CFAP44: variants seen among roughly 807,000 people sequenced by gnomAD.
CFAP44 encodes cilia- and flagella-associated protein 44.
In CFAP44, 134 loss-of-function variants were observed where a neutral mutation model predicts 216.2. The observed-to-expected ratio is 0.62, with a 90% CI of 0.54 to 0.72. CFAP44 has a LOEUF of 0.72. Among genes scored for constraint, CFAP44 ranks in the 30% least tolerant of loss-of-function variants. The probability of loss-of-function intolerance (pLI) is 0.00; values close to 1 mark genes in which losing one functional copy is unlikely to be tolerated. For synonymous variants in CFAP44, 700 were observed against 727.6 expected (o/e 0.96, Z 0.61); for missense variants, 2,035 against 2,182.1 (o/e 0.93, Z 1.34).
At chr3:113,439,157 T>G (rs1430923620) in intron 1 of CFAP44, among the ~76,000 whole-genome samples, 1 of 152,188 alleles carries the variant, frequency 6.6e-6, no homozygotes, top group East Asian at 1.9e-4. Flanking sequence ...GGCTTATTCG[T>G]CCAGCCTACA....
At chr3:113,377,756 A>G (rs6802304) in intron 17 of CFAP44, among the ~76,000 whole-genome samples, 150,199 of 152,246 alleles carry the variant, frequency 0.99, 74,127 homozygotes, top group Middle Eastern at 1. Flanking sequence ...GGGTTCAAGC[A>G]ATTCCCCTGC....
rs1271942917 is a variant in CFAP44, at chr3:113,327,768, G to C, written c.4168C>G (p.Gln1390Glu). 6.5e-7 allele frequency: 1 copy of C among 1,536,868 alleles called. No homozygotes were observed. The highest frequency in any genetic ancestry group is 1.4e-5 in the African/African-American group (1 of 73,038). ...FDAELRLLRH[Q>E]KLKLDTQMKL... is the part of the protein sequence containing the mutation. Reference sequence around the variant, plus strand: ...ATCTGAGTATCTAGTTTTAGTTTCTGATGTCTAAGGAGACGGAGTTCTGCA... The same window carrying C: ...ATCTGAGTATCTAGTTTTAGTTTCTCATGTCTAAGGAGACGGAGTTCTGCA... The change falls in exon 27 of 35, where the codon CAG (glutamine) becomes GAG (glutamate). Residue 1390 changes from glutamine (Q) to glutamate (E), a missense_variant. Gln to Glu is a conservative substitution (Grantham distance 29, BLOSUM62 2). Around this residue, in one of 3 missense-constraint regions of CFAP44, gnomAD observed 1,883 missense variants for 2,023.7 expected, o/e 0.93. Coordinates refer to ENST00000393845, the MANE Select transcript of CFAP44 (RefSeq NM_001164496.2).
chr3:113,395,378 C>T (rs529259243), intron 15 of CFAP44, among the ~76,000 whole-genome samples: 2 of 152,260 alleles, frequency 1.3e-5, no homozygotes, highest in Non-Finnish European at 2.9e-5. Flanking sequence ...ACATTCAGAC[C>T]TTAGAATTCA....
At chr3:113,421,387 C>G (rs1025613882) in intron 4 of CFAP44, among the ~76,000 whole-genome samples, 2 of 152,150 alleles carry the variant, frequency 1.3e-5, no homozygotes, top group Non-Finnish European at 2.9e-5. Flanking sequence ...TATATACTAT[C>G]AGTGAGAATG....
rs1559924083 is a variant in CFAP44, at chr3:113,363,215, A to G, written c.2864T>C (p.Leu955Ser). ...KARKREQIKALRSEFCNLLEM... is the reference protein window; with the variant it reads ...KARKREQIKASRSEFCNLLEM... Reference sequence around the variant, plus strand: ...TAATAGATTACAAAATTCACTCCTCAAAGCTTTGATTTGCTCTCTCTTCCG... The same window carrying G: ...TAATAGATTACAAAATTCACTCCTCGAAGCTTTGATTTGCTCTCTCTTCCG... The change falls in exon 21 of 35, where the codon TTG (leucine) becomes TCG (serine). Residue 955 changes from leucine (L) to serine (S), a missense_variant. Around this residue, in one of 3 missense-constraint regions of CFAP44, gnomAD observed 1,883 missense variants for 2,023.7 expected, o/e 0.93. Transcript: ENST00000393845. The G allele has an allele frequency of 6.2e-7, 1 of 1,613,478 alleles. No homozygotes were observed.
intron 1 of CFAP44, among the ~76,000 whole-genome samples, chr3:113,438,214 G>A (rs1257588679): frequency 6.6e-6 from 1 of 152,090 alleles, no homozygotes; most frequent in Admixed American, 6.5e-5. Context: ...ACACATGTAG[G>A]GTTCAATAAA....
intron 34 of CFAP44, among the ~76,000 whole-genome samples, chr3:113,292,486 A>T (rs1467222151): frequency 1.3e-5 from 2 of 152,230 alleles, no homozygotes; most frequent in African/African-American, 2.4e-5. Flanking sequence ...TAACATTTGA[A>T]TGCATGAATA....
chr3:113,394,778 G>A (rs193261582), intron 15 of CFAP44, among the ~76,000 whole-genome samples: 1 of 152,272 alleles, frequency 6.6e-6, no homozygotes, highest in East Asian at 1.9e-4. Context: ...TTATGAATTT[G>A]TGTTGCGCCT....
At chr3:113,334,541 G>A (rs1459733784) in intron 24 of CFAP44, among the ~76,000 whole-genome samples, 1 of 151,714 alleles carries the variant, frequency 6.6e-6, no homozygotes, top group Non-Finnish European at 1.5e-5. Context: ...ACAAGATAAG[G>A]CCACAAAAAG....
rs564617333 is a variant in CFAP44, at chr3:113,379,377, A to C, written c.2227T>G (p.Phe743Val). 6.2e-7 allele frequency: 1 copy of C among 1,613,156 alleles called. No homozygotes were observed. Among genetic ancestry groups the C allele is most frequent in the African/African-American group, 1.3e-5 (1 of 74,988 alleles). Residue 743 changes from phenylalanine (F) to valine (V), a missense_variant, in exon 17 of 35, where the codon TTT becomes GTT. This residue lies in a region of CFAP44 where 1,883 missense variants were observed against 2,023.7 expected (regional missense o/e 0.93). Coordinates refer to ENST00000393845, the MANE Select transcript of CFAP44 (RefSeq NM_001164496.2). Reference protein sequence around the residue: ...EEEEEPLPEIFIPSTPSPILC... With the variant: ...EEEEEPLPEIVIPSTPSPILC... ...ATGGGAGAGGGGGTTGACGGAATAA[A>C]TATTTCAGGTAATGGCTCTTCTTCC... is the stretch of plus-strand genomic sequence containing the variant.
Position 113,327,782 on chromosome 3 carries a change from C to T in CFAP44, c.4154G>A (p.Arg1385His), listed in dbSNP as rs965241639. The change falls in exon 27 of 35, where the codon CGT (arginine) becomes CAT (histidine). Residue 1385 changes from arginine (R) to histidine (H), a missense_variant. Physicochemically the swap from Arg to His is conservative, Grantham distance 29 (BLOSUM62 0). This residue lies in a region of CFAP44 where 1,883 missense variants were observed against 2,023.7 expected (regional missense o/e 0.93). Coordinates refer to ENST00000393845, the MANE Select transcript of CFAP44 (RefSeq NM_001164496.2). ...ELVVTFDAEL[R>H]LLRHQKLKLD... ...TTTTAGTTTCTGATGTCTAAGGAGA[C>T]GGAGTTCTGCATCGAAAGTGACAAC... 16 of 1,536,686 alleles carry T rather than the reference C, an allele frequency of 1.0e-5. No homozygotes were observed. Among genetic ancestry groups the T allele is most frequent in the East Asian group, 9.8e-5 (4 of 40,904 alleles).
At chr3:113,396,044 C>A (rs988410940) in intron 14 of CFAP44, among the ~76,000 whole-genome samples, 184 bp from the exon 15 acceptor site, 2 of 152,130 alleles carry the variant, frequency 1.3e-5, no homozygotes, top group African/African-American at 4.8e-5. Context: ...ATTTGGAAAA[C>A]CATGTGTTTC....
At chr3:113,421,601 G>A (rs1934816474) in intron 4 of CFAP44, among the ~76,000 whole-genome samples, 1 of 152,108 alleles carries the variant, frequency 6.6e-6, no homozygotes, top group South Asian at 2.1e-4. Flanking sequence ...ACCCATCAGT[G>A]GTGCACTGGA....
intron 24 of CFAP44, among the ~76,000 whole-genome samples, chr3:113,336,779 CA>C (rs1950285574): frequency 6.6e-6 from 1 of 151,922 alleles, no homozygotes; most frequent in African/African-American, 2.4e-5. Flanking sequence ...GATTTAAAAA[CA>C]TGACCCAATT....
At chr3:113,402,536 A>G (rs1289495424) in intron 9 of CFAP44, among the ~76,000 whole-genome samples, 1 of 152,218 alleles carries the variant, frequency 6.6e-6, no homozygotes, top group Non-Finnish European at 1.5e-5. Context: ...CCTAGACTGA[A>G]TAACTGAGAC....
At chr3:113,357,615 C>A (rs1025741003) in intron 22 of CFAP44, among the ~76,000 whole-genome samples, 1 of 152,172 alleles carries the variant, frequency 6.6e-6, no homozygotes, top group Non-Finnish European at 1.5e-5. Context: ...TTCTAGCCTC[C>A]AGAACTGCGA....
chr3:113,363,223 G>A lies in CFAP44; in HGVS notation c.2856C>T (p.Ile952=), dbSNP rs747114623. The change falls in exon 21 of 35, where the codon ATC becomes ATT. Residue 952 remains isoleucine, a synonymous_variant. Transcript: ENST00000393845. Reference sequence around the variant, plus strand: ...TACAAAATTCACTCCTCAAAGCTTTGATTTGCTCTCTCTTCCGTGCCTTTA... The same window carrying A: ...TACAAAATTCACTCCTCAAAGCTTTAATTTGCTCTCTCTTCCGTGCCTTTA... ...GEIKARKREQ[I]KALRSEFCNL... 1 of 1,613,282 alleles carries A rather than the reference G, an allele frequency of 6.2e-7. No individual in the cohort carries two copies. The highest frequency in any genetic ancestry group is 1.3e-5 in the African/African-American group (1 of 74,882).
Position 113,330,264 on chromosome 3 carries a change from C to G in CFAP44, c.4020G>C (p.Leu1340Phe), listed in dbSNP as rs1950228994. The G allele has an allele frequency of 6.5e-7, 1 of 1,537,414 alleles. No homozygotes were observed. Residue 1340 changes from leucine to phenylalanine, a missense_variant, in exon 26 of 35, where the codon TTG becomes TTC. Physicochemically the swap from Leu to Phe is conservative, Grantham distance 22. This residue lies in a region of CFAP44 where 1,883 missense variants were observed against 2,023.7 expected (regional missense o/e 0.93). Coordinates refer to ENST00000393845, the MANE Select transcript of CFAP44 (RefSeq NM_001164496.2). ...CCGTTGGCTCTGCTTTTTCAAATTC[C>G]AAACACTTTGGTATATCTAGGCTGA... is the stretch of plus-strand genomic sequence containing the variant. ...STFSLDIPKC[L>F]EFEKAEPTDV...
intron 28 of CFAP44, among the ~76,000 whole-genome samples, chr3:113,313,903 T>C (rs999461883): frequency 5.3e-5 from 8 of 152,012 alleles, no homozygotes; most frequent in African/African-American, 1.9e-4. Flanking sequence ...AACAGACTAA[T>C]ACACCAAGAT....
Sources: gnomAD v4.1 joint callset for allele counts (sites outside exome capture counted in the v4.1 genomes callset) on GRCh38, gnomAD v4.1.1 for gene constraint, gnomAD v4.1.1 regional missense constraint, MANE v1.5 for transcripts, NCBI Gene and HGNC (gene_info 2026-07-23, HGNC 2026-07-21) for gene names.